FSTL4: variants seen among roughly 807,000 people sequenced by gnomAD.
FSTL4 encodes the protein follistatin like 4.
A neutral mutation model predicts 78.2 loss-of-function variants in FSTL4; 28 were observed. The observed-to-expected ratio is 0.36, with a 90% CI of 0.27 to 0.49. FSTL4 has a LOEUF of 0.49. Among genes scored for constraint, FSTL4 ranks in the 20% least tolerant of loss-of-function variants. The pLI, the probability that FSTL4 is intolerant of heterozygous loss-of-function variation, is 0.98. For missense variants in FSTL4, 922 were observed against 1,084.9 expected (o/e 0.85, Z 2.11); for synonymous variants, 422 against 440.5 (o/e 0.96, Z 0.53).
At chr5:133,380,207 A>G (rs1282397577) in intron 4 of FSTL4, among the ~76,000 whole-genome samples, 2 of 152,108 alleles carry the variant, frequency 1.3e-5, no homozygotes, top group African/African-American at 4.8e-5. Flanking sequence ...ATTAATGAAA[A>G]GAGAATAGAA....
chr5:133,665,067 T>C, the FSTL4 span, among the ~76,000 whole-genome samples: 4 of 152,206 alleles, frequency 2.6e-5, no homozygotes, highest in Non-Finnish European at 4.4e-5. Flanking sequence ...AGGGTTATAA[T>C]GGCCCCAAAT....
intron 13 of FSTL4, 80 bp downstream of exon 13, chr5:133,217,149 A>G: frequency 1.7e-6 from 2 of 1,146,490 alleles, no homozygotes; most frequent in Non-Finnish European, 2.6e-6. Context: ...GGAGCTGGGG[A>G]GTATGCAGAA....
the FSTL4 span, among the ~76,000 whole-genome samples, chr5:133,695,084 C>T: frequency 6.6e-6 from 1 of 152,130 alleles, no homozygotes; most frequent in Non-Finnish European, 1.5e-5. Flanking sequence ...CAGAGGCTTT[C>T]CAGCAGATAT....
the FSTL4 span, among the ~76,000 whole-genome samples, chr5:133,824,590 G>A: frequency 6.6e-6 from 1 of 152,152 alleles, no homozygotes; most frequent in Non-Finnish European, 1.5e-5. Flanking sequence ...AACAAGAGGT[G>A]ATGCATGACT....
At chr5:133,268,276 T>A (rs939847841) in intron 6 of FSTL4, among the ~76,000 whole-genome samples, 1 of 152,152 alleles carries the variant, frequency 6.6e-6, no homozygotes, top group Admixed American at 6.5e-5. Flanking sequence ...TCCCAGGTCA[T>A]CAGTTTACAG....
At chr5:133,701,464 C>T in the FSTL4 span, among the ~76,000 whole-genome samples, 1 of 106,162 alleles carries the variant, frequency 9.4e-6, no homozygotes, top group African/African-American at 4.0e-5. Flanking sequence ...CAGAAAGACA[C>T]AGAAACACAC....
intron 3 of FSTL4, among the ~76,000 whole-genome samples, chr5:133,533,489 G>A (rs563693090): frequency 3.3e-5 from 5 of 152,112 alleles, no homozygotes; most frequent in South Asian, 4.2e-4. Context: ...CAAGCAATCC[G>A]CCCACCTCAG....
intron 3 of FSTL4, among the ~76,000 whole-genome samples, chr5:133,558,577 C>A (rs564788855): frequency 2.6e-5 from 4 of 152,268 alleles, no homozygotes; most frequent in Admixed American, 6.5e-5. Flanking sequence ...ACACACGCTC[C>A]CTGACTTCCT....
At chr5:133,820,834 T>G in the FSTL4 span, among the ~76,000 whole-genome samples, 4 of 152,212 alleles carry the variant, frequency 2.6e-5, no homozygotes, top group Non-Finnish European at 2.9e-5. Context: ...ATCCTCTCCC[T>G]GGGGACTTCT....
chr5:133,439,577 T>G (rs569481351), intron 3 of FSTL4, among the ~76,000 whole-genome samples: 1 of 152,274 alleles, frequency 6.6e-6, no homozygotes, highest in Admixed American at 6.5e-5. Flanking sequence ...GCTTCAGAGG[T>G]CTTCAAGTGC....
the FSTL4 span, among the ~76,000 whole-genome samples, chr5:133,701,954 G>A: frequency 6.6e-6 from 1 of 152,134 alleles, no homozygotes; most frequent in African/African-American, 2.4e-5. Flanking sequence ...ATGTCCTGGC[G>A]CCCAGGAAAT....
intron 3 of FSTL4, among the ~76,000 whole-genome samples, chr5:133,496,054 T>C (rs1272807278): frequency 1.3e-5 from 2 of 152,116 alleles, no homozygotes; most frequent in African/African-American, 4.8e-5. Flanking sequence ...GCTCTGACGC[T>C]GGGAGCAGAA....
At chr5:133,441,026 C>T (rs1272013439) in intron 3 of FSTL4, among the ~76,000 whole-genome samples, 1 of 152,142 alleles carries the variant, frequency 6.6e-6, no homozygotes, top group African/African-American at 2.4e-5. Flanking sequence ...TGTGGTTCCT[C>T]TGAAATCAGA....
the FSTL4 span, among the ~76,000 whole-genome samples, chr5:133,722,989 G>A: frequency 5.9e-5 from 9 of 152,240 alleles, no homozygotes; most frequent in Non-Finnish European, 8.8e-5. Flanking sequence ...TCTTCCCCAC[G>A]GTTAGGAGTC....
chr5:133,606,470 A>G (rs1760980572), intron 1 of FSTL4, among the ~76,000 whole-genome samples: 1 of 152,202 alleles, frequency 6.6e-6, no homozygotes, highest in Admixed American at 6.5e-5. Flanking sequence ...CCTATTCTCC[A>G]TAAGTAATCC....
chr5:133,469,805 C>T (rs1402496285), intron 3 of FSTL4, among the ~76,000 whole-genome samples: 1 of 152,108 alleles, frequency 6.6e-6, no homozygotes, highest in African/African-American at 2.4e-5. Context: ...CAGTCCACAG[C>T]CCACAGCCCA....
rs1750154972 is a variant in FSTL4, at chr5:133,196,639, C to A, written c.*2456G>T. On this transcript the variant is annotated 3_prime_UTR_variant, in exon 16 of 16. Transcript: ENST00000265342. ...TACAGGAGGCCCCCCTGTAGTGAGGCATTTCCTCCCAGTGGCTTTCCAACT... is the reference window on the plus strand; with the variant it reads ...TACAGGAGGCCCCCCTGTAGTGAGGAATTTCCTCCCAGTGGCTTTCCAACT... 6.6e-6 allele frequency: 1 copy of A among 152,190 alleles called. No homozygotes were observed. The highest frequency in any genetic ancestry group is 1.5e-5 in the Non-Finnish European group (1 of 68,040). 9.4% of individuals were successfully genotyped at this position (152,190 alleles called of 1,614,324 possible). A position where few individuals can be genotyped will look rare whatever the true frequency, so the allele number is the denominator to read the frequency against.
At chr5:133,410,002 G>A (rs1244911526) in intron 3 of FSTL4, among the ~76,000 whole-genome samples, 1 of 152,176 alleles carries the variant, frequency 6.6e-6, no homozygotes, top group Non-Finnish European at 1.5e-5. Flanking sequence ...GTACATCAGA[G>A]CCTGTGTTTT....
intron 6 of FSTL4, among the ~76,000 whole-genome samples, chr5:133,293,223 C>T (rs1028960499): frequency 3.3e-5 from 5 of 152,248 alleles, no homozygotes; most frequent in African/African-American, 4.8e-5. Flanking sequence ...CTCTCCCAAC[C>T]GCCACCCCAC....
Sources: allele counts gnomAD v4.1 joint callset (sites outside exome capture counted in the v4.1 genomes callset), GRCh38; gene constraint gnomAD v4.1.1; transcripts MANE v1.5; gene names NCBI Gene and HGNC (gene_info 2026-07-23, HGNC 2026-07-21).